Variants in TTLL1 observed in about 807,000 individuals in gnomAD.
The protein encoded by TTLL1 is polyglutamylase complex subunit TTLL1.
TTLL1 carries 33 observed loss-of-function variants against 47.8 expected under a neutral mutation model. The ratio of observed to expected loss-of-function variants is 0.69; its 90% CI spans 0.52 to 0.92. The LOEUF is 0.92. Among genes scored for constraint, TTLL1 ranks in the 40% least tolerant of loss-of-function variants. The probability of loss-of-function intolerance (pLI) is 0.00; values close to 1 mark genes in which losing one functional copy is unlikely to be tolerated. For synonymous variants in TTLL1, 225 were observed against 214.1 expected, an observed-to-expected ratio of 1.05 and a Z score of -0.45; for missense variants, 488 against 547.5, an observed-to-expected ratio of 0.89 and a Z score of 1.08.
rs532342000 is a variant in TTLL1, at chr22:43,082,196, C to T, written c.-89-2210G>A. Among the ~76,000 whole-genome samples the T allele has an allele frequency of 1.5e-4, 23 of 150,556 alleles. 1 individual carries two copies. The South Asian group carries it at 1.7e-3, about 11-fold the overall frequency. On this transcript the variant is annotated intron_variant, in intron 1 of 10. Coordinates refer to ENST00000266254, the MANE Select transcript of TTLL1 (RefSeq NM_012263.5). ...TTTAAACAACACAGATAATTGATTACGTCACATTAATAATATCTACAAAGG... is the reference window on the plus strand; with the variant it reads ...TTTAAACAACACAGATAATTGATTATGTCACATTAATAATATCTACAAAGG...
intron 4 of TTLL1, 142 bp downstream of exon 4, chr22:43,069,494 C>T: frequency 2.1e-6 from 3 of 1,447,888 alleles, no homozygotes; most frequent in African/African-American, 1.4e-5. Context: ...TCTGGAGACA[C>T]CTGAAATGAA....
At chr22:43,043,559 T>A (rs1925868694) in intron 10 of TTLL1, among the ~76,000 whole-genome samples, 1 of 152,064 alleles carries the variant, frequency 6.6e-6, no homozygotes, top group African/African-American at 2.4e-5. Context: ...AATCCCAGTC[T>A]GACCCCATCC....
At chr22:43,067,539 C>T (rs1927819163) in intron 5 of TTLL1, among the ~76,000 whole-genome samples, 1 of 152,208 alleles carries the variant, frequency 6.6e-6, no homozygotes, top group Admixed American at 6.5e-5. Flanking sequence ...CCATGACCTA[C>T]ACCCTTCTTC....
chr22:43,058,959 C>T (rs935967954), intron 8 of TTLL1, among the ~76,000 whole-genome samples: 2 of 152,058 alleles, frequency 1.3e-5, no homozygotes, highest in Non-Finnish European at 2.9e-5. Flanking sequence ...TCCCAGCGTG[C>T]TGGGATTACA....
At chr22:43,078,711 C>G (rs1928671884) in intron 2 of TTLL1, among the ~76,000 whole-genome samples, 1 of 152,062 alleles carries the variant, frequency 6.6e-6, no homozygotes, top group Non-Finnish European at 1.5e-5. Context: ...CAGAACCGCT[C>G]TCTGCAAGCT....
intron 9 of TTLL1, 94 bp downstream of exon 9, chr22:43,051,707 T>C: frequency 8.4e-7 from 1 of 1,194,784 alleles, no homozygotes; most frequent in Non-Finnish European, 1.3e-6. Context: ...CTGAGAAACA[T>C]CTGGGGCCTG....
intron 3 of TTLL1, among the ~76,000 whole-genome samples, chr22:43,075,089 C>T (rs1325628404): frequency 6.6e-6 from 1 of 152,170 alleles, no homozygotes. Context: ...CGCTTGAACC[C>T]AGGAGGCAGA....
chr22:43,074,351 C>T (rs61161340), intron 3 of TTLL1, among the ~76,000 whole-genome samples: 14,931 of 148,402 alleles, frequency 0.1, 1,057 homozygotes, highest in African/African-American at 0.19. Context: ...CGCTTGAACC[C>T]AGGAGGTGGA....
At chr22:43,075,384 C>T in intron 3 of TTLL1, 90 bp downstream of exon 3, 2 of 1,077,020 alleles carry the variant, frequency 1.9e-6, no homozygotes, top group Non-Finnish European at 2.8e-6. Flanking sequence ...GAGACAGTGG[C>T]TCTGAGGCCA....
At chr22:43,087,117 A>C (rs760402840) in intron 1 of TTLL1, among the ~76,000 whole-genome samples, 6 of 152,286 alleles carry the variant, frequency 3.9e-5, no homozygotes, top group Non-Finnish European at 7.3e-5. Flanking sequence ...AACTGCTCAG[A>C]GTGGCTTTCC....
intron 9 of TTLL1, among the ~76,000 whole-genome samples, chr22:43,049,136 A>G (rs922380812): frequency 3.6e-4 from 54 of 152,070 alleles, no homozygotes; most frequent in Non-Finnish European, 5.9e-4. Flanking sequence ...AACAAGAAAA[A>G]AAAAAAAAAA....
intron 3 of TTLL1, among the ~76,000 whole-genome samples, chr22:43,073,325 CTATTTATT>C (rs72103212): frequency 0.089 from 12,647 of 142,614 alleles, 947 homozygotes; most frequent in East Asian, 0.39. Flanking sequence ...TGCGCCCGGT[CTATTTATT>C]TATTTATTTA....
chr22:43,066,057 G>T (rs563848040), intron 5 of TTLL1, among the ~76,000 whole-genome samples: 13 of 151,772 alleles, frequency 8.6e-5, no homozygotes, highest in African/African-American at 3.1e-4. Context: ...TACTCAGGAG[G>T]CTGAGGCAGG....
chr22:43,066,042 C>T (rs1181159320), intron 5 of TTLL1, among the ~76,000 whole-genome samples: 1 of 151,390 alleles, frequency 6.6e-6, no homozygotes, highest in East Asian at 2.0e-4. Context: ...GCCTGTAGTC[C>T]CAGCTACTCA....
At chr22:43,086,366 A>C (rs1014556133) in intron 1 of TTLL1, among the ~76,000 whole-genome samples, 1 of 152,184 alleles carries the variant, frequency 6.6e-6, no homozygotes, top group Non-Finnish European at 1.5e-5. Flanking sequence ...CTGAAACCAG[A>C]GAGCTGCTGG....
intron 1 of TTLL1, among the ~76,000 whole-genome samples, chr22:43,085,028 C>T (rs1428264208): frequency 7.2e-6 from 1 of 139,458 alleles, no homozygotes; most frequent in Non-Finnish European, 1.5e-5. Context: ...AGTGCAGTGG[C>T]GCGATCTCAG....
Position 43,052,112 on chromosome 22 carries a change from G to A in TTLL1, c.892-225C>T, listed in dbSNP as rs964449619. ...TAGAGGGAATTGATGAAGCCGTAAT[G>A]GGCATCTCTGCGTCTCACTCATCAG... On this transcript the variant is annotated intron_variant, in intron 8 of 10. Coordinates refer to ENST00000266254, the MANE Select transcript of TTLL1 (RefSeq NM_012263.5). 4 of 539,918 alleles carry A rather than the reference G, an allele frequency of 7.4e-6. No individual in the cohort carries two copies. The Admixed American group carries it at 1.2e-4, about 16-fold the overall frequency. The allele number at this position is 539,918 out of a possible 1,614,324, so 33.4% of individuals were successfully genotyped here.
intron 2 of TTLL1, among the ~76,000 whole-genome samples, chr22:43,076,100 C>T (rs138351460): frequency 3.4e-3 from 515 of 152,332 alleles, no homozygotes; most frequent in African/African-American, 0.012. Flanking sequence ...TGTCCCACAT[C>T]CCTCCAGGCA....
rs1413929399 is a variant in TTLL1, at chr22:43,064,303, C to T, written c.525G>A (p.Lys175=). 6.2e-7 allele frequency: 1 copy of T among 1,612,216 alleles called. No individual in the cohort carries two copies. Among genetic ancestry groups the T allele is most frequent in the Admixed American group, 1.7e-5 (1 of 59,458 alleles). Residue 175 remains lysine (K), a synonymous_variant, in exon 6 of 11, where the codon AAG becomes AAA. Coordinates refer to ENST00000266254, the MANE Select transcript of TTLL1 (RefSeq NM_012263.5). ...KTSSFVSQSN[K]EAYVISLYIN... is the part of the protein sequence containing the mutation. ...TATAGAGAGAGATCACGTAGGCTTC[C>T]TTATTAGATTGAGACACAAACCTAA...
Sources: gnomAD v4.1 joint callset for allele counts (sites outside exome capture counted in the v4.1 genomes callset) on GRCh38, gnomAD v4.1.1 for gene constraint, MANE v1.5 for transcripts, NCBI Gene and HGNC (gene_info 2026-07-23, HGNC 2026-07-21) for gene names.